Variants in SLC26A5 observed in about 807,000 individuals in gnomAD.
The protein encoded by SLC26A5 is prestin.
A neutral mutation model predicts 81.0 loss-of-function variants in SLC26A5; 51 were observed. That is an observed-to-expected ratio of 0.63 (90% confidence interval 0.50 to 0.80). The LOEUF is 0.80. SLC26A5 is among the 30% of genes least tolerant of loss of function. The pLI is 0.00. For missense variants in SLC26A5, 771 were observed against 905.8 expected (o/e 0.85, Z 1.91); for synonymous variants, 325 against 332.8 (o/e 0.98, Z 0.25).
At chr7:103,412,731 C>T (rs1459793198) in intron 5 of SLC26A5, among the ~76,000 whole-genome samples, 1 of 151,648 alleles carries the variant, frequency 6.6e-6, no homozygotes, top group Admixed American at 6.6e-5. Context: ...TGTATTTTTA[C>T]AAAGAGATGG....
Position 103,379,274 on chromosome 7 carries a change from C to T in SLC26A5, c.1646G>A (p.Ser549Asn), listed in dbSNP as rs748567955. The stretch of plus-strand genomic sequence containing the variant: ...TTTTAATGCATTGCTATACAAGTCG[C>T]TATTTGCATAGTAAATTGGTGCATT... The part of the protein sequence containing the change: ...QINAPIYYAN[S>N]DLYSNALKRK... The change falls in exon 16 of 20, where the codon AGC (serine) becomes AAC (asparagine). Residue 549 changes from serine to asparagine, a missense_variant. Physicochemically the swap from Ser to Asn is conservative, Grantham distance 46. Transcript: ENST00000306312. 4 of 1,611,590 alleles carry T rather than the reference C, an allele frequency of 2.5e-6. No individual in the cohort carries two copies. The highest frequency in any genetic ancestry group is 2.5e-6 in the Non-Finnish European group (3 of 1,178,102).
In SLC26A5 at chr7:103,367,835, T is replaced by C. The variant is rs775683191; in HGVS notation, c.2041+8973A>G. 1 of 1,612,304 alleles carries C rather than the reference T, an allele frequency of 6.2e-7. No individual in the cohort carries two copies. The highest frequency in any genetic ancestry group is 8.5e-7 in the Non-Finnish European group (1 of 1,179,272). ...GTAAGTAGAAAGTTCTTGCTTATAT[T>C]TGCTGGTCTGTCTGCTCAGGCTGCT... On this transcript the variant is annotated intron_variant, in intron 19 of 19. Coordinates refer to the SLC26A5 transcript ENST00000339444. The surrounding 1 kb of genome is among the most constrained non-coding windows in gnomAD (Gnocchi z 6.1).
chr7:103,437,831 T>C (rs572952803), intron 2 of SLC26A5, among the ~76,000 whole-genome samples: 1 of 152,168 alleles, frequency 6.6e-6, no homozygotes, highest in Non-Finnish European at 1.5e-5. Flanking sequence ...AAGTTTAAGA[T>C]AGACAAGAAT....
intron 19 of SLC26A5, chr7:103,364,121 G>GAA (rs897454161): frequency 1.2e-6 from 2 of 1,609,028 alleles, no homozygotes; most frequent in Middle Eastern, 1.7e-4. Flanking sequence ...TGGTAAGTGT[G>GAA]AAAATTGTGT....
chr7:103,438,389 CTT>C (rs979524403), intron 2 of SLC26A5, among the ~76,000 whole-genome samples: 12 of 142,928 alleles, frequency 8.4e-5, no homozygotes, highest in Admixed American at 1.4e-4. Flanking sequence ...GATTTCTTTT[CTT>C]TTTTTTTTTT....
Position 103,379,273 on chromosome 7 carries a change from G to A in SLC26A5, c.1647C>T (p.Ser549=), listed in dbSNP as rs564582213. 18 of 1,611,068 alleles carry A rather than the reference G, an allele frequency of 1.1e-5. No individual in the cohort carries two copies. The East Asian group carries it at 1.3e-4, about 12-fold the overall frequency. The change falls in exon 16 of 20, where the codon AGC becomes AGT. Residue 549 remains serine, a synonymous_variant. Transcript: ENST00000306312. ...QINAPIYYAN[S]DLYSNALKRK... ...GTTTTAATGCATTGCTATACAAGTCGCTATTTGCATAGTAAATTGGTGCAT... is the reference window on the plus strand; with the variant it reads ...GTTTTAATGCATTGCTATACAAGTCACTATTTGCATAGTAAATTGGTGCAT...
chr7:103,389,309 C>G lies in SLC26A5; in HGVS notation c.1407+20G>C, dbSNP rs1285977896. ...TCTGCTCTATGACATATTAACAGAG[C>G]CATCACCTTTGTTACTTACCAGCTC... On this transcript the variant is annotated intron_variant, in intron 13 of 19. Transcript: ENST00000306312. 1 of 1,527,452 alleles carries G rather than the reference C, an allele frequency of 6.5e-7. No individual in the cohort carries two copies. The highest frequency in any genetic ancestry group is 1.7e-5 in the Admixed American group (1 of 59,920). 94.6% of individuals were successfully genotyped at this position (1,527,452 alleles called of 1,614,324 possible).
chr7:103,428,691 T>C (rs1586375950), intron 2 of SLC26A5, among the ~76,000 whole-genome samples: 2 of 152,068 alleles, frequency 1.3e-5, no homozygotes, highest in East Asian at 3.9e-4. Flanking sequence ...GTCTCCTCAG[T>C]AGCTGGGACT....
rs1420030559 is a variant in SLC26A5, at chr7:103,375,725, C to T, written c.2041+1083G>A. Among the ~76,000 whole-genome samples, 6 of 152,102 alleles carry T rather than the reference C, an allele frequency of 3.9e-5. No homozygotes were observed. In the East Asian group the frequency reaches 1.2e-3, roughly 29 times the overall value. On this transcript the variant is annotated intron_variant, in intron 19 of 19. Transcript: ENST00000306312. ...TTGGGATTATAGGTGTGAGCCACCA[C>T]ACCCAGCCTCAGGCACTGTTTTACT...
At chr7:103,425,388 C>T (rs1825645942) in intron 2 of SLC26A5, among the ~76,000 whole-genome samples, 2 of 152,166 alleles carry the variant, frequency 1.3e-5, no homozygotes, top group Non-Finnish European at 2.9e-5. Context: ...CTCCAGGAGG[C>T]AGGCTTGGGC....
At chr7:103,369,328 TAAGAA>T (rs541802319), downstream of SLC26A5, 132 of 152,306 alleles carry the variant, frequency 8.7e-4, 1 homozygote, top group African/African-American at 3.1e-3. Flanking sequence ...AAAATATACT[TAAGAA>T]AATGACTGAA....
chr7:103,408,978 A>T (rs1824273591), intron 7 of SLC26A5, among the ~76,000 whole-genome samples: 1 of 152,190 alleles, frequency 6.6e-6, no homozygotes, highest in East Asian at 1.9e-4. Context: ...AAGTATGATA[A>T]TAGCTATTAT....
intron 8 of SLC26A5, among the ~76,000 whole-genome samples, chr7:103,403,892 T>C (rs1336035017): frequency 6.6e-6 from 1 of 152,094 alleles, no homozygotes; most frequent in Non-Finnish European, 1.5e-5. Context: ...GTTAATATTG[T>C]TATGCGTGGG....
At chr7:103,387,866 T>C (rs999728438) in intron 14 of SLC26A5, among the ~76,000 whole-genome samples, 6 of 151,960 alleles carry the variant, frequency 3.9e-5, no homozygotes, top group Non-Finnish European at 5.9e-5. Context: ...GTATTTTTAG[T>C]AAAGACAGGG....
Position 103,407,949 on chromosome 7 carries a change from C to T in SLC26A5, c.790G>A (p.Val264Ile), listed in dbSNP as rs760928224. 49 of 1,614,182 alleles carry T rather than the reference C, an allele frequency of 3.0e-5. No homozygotes were observed. The highest frequency in any genetic ancestry group is 2.5e-4 in the South Asian group (23 of 91,084). ...VKNLNVCSLG[V>I]GLMVFGLLLG... ...AGCAAACCAAAAACCATCAGCCCGA[C>T]GCCTAGGGAACACACGTTGAGGTTT... is the stretch of plus-strand genomic sequence containing the variant. The change falls in exon 8 of 20, where the codon GTC becomes ATC. Residue 264 changes from valine (V) to isoleucine (I), a missense_variant. Coordinates refer to ENST00000306312, the MANE Select transcript of SLC26A5 (RefSeq NM_198999.3).
intron 5 of SLC26A5, among the ~76,000 whole-genome samples, chr7:103,412,230 T>C (rs887173279): frequency 1.3e-5 from 2 of 152,190 alleles, no homozygotes; most frequent in South Asian, 2.1e-4. Flanking sequence ...AAAGTATGTG[T>C]GTGTTAGGTA....
At chr7:103,394,536 G>T (rs1822933357) in intron 9 of SLC26A5, among the ~76,000 whole-genome samples, 2 of 152,140 alleles carry the variant, frequency 1.3e-5, no homozygotes. Context: ...AAACAAACAA[G>T]AAAACAGGAT....
At chr7:103,420,923 A>T (rs755433718) in intron 3 of SLC26A5, 46 bp from the exon 4 acceptor site, 1 of 1,565,610 alleles carries the variant, frequency 6.4e-7, no homozygotes, top group Middle Eastern at 1.7e-4. Context: ...AATGAGAAAC[A>T]TCTCTGTAGA....
chr7:103,437,898 T>G (rs1044329359), intron 2 of SLC26A5, among the ~76,000 whole-genome samples: 8 of 152,232 alleles, frequency 5.3e-5, no homozygotes, highest in African/African-American at 1.9e-4. Flanking sequence ...GGTCTGCACA[T>G]TGCTTCATGA....
Sources: gnomAD v4.1 joint callset for allele counts (sites outside exome capture counted in the v4.1 genomes callset) on GRCh38, gnomAD v4.1.1 for gene constraint, Gnocchi (gnomAD v3.1) non-coding constraint, MANE v1.5 for transcripts, NCBI Gene and HGNC (gene_info 2026-07-23, HGNC 2026-07-21) for gene names.